The following BNC2 variants were observed in gnomAD, a reference collection of about 807,000 sequenced individuals.
The protein encoded by BNC2 is zinc finger protein basonuclin-2.
In BNC2, 20 loss-of-function variants were observed where a neutral mutation model predicts 76.3. The observed-to-expected ratio is 0.26, with a 90% CI of 0.18 to 0.38. The LOEUF is 0.38. BNC2 is among the 10% of genes least tolerant of loss of function. The pLI, the probability that BNC2 is intolerant of heterozygous loss-of-function variation, is 1.00. For missense variants in BNC2, 1,382 were observed against 1,399.8 expected (o/e 0.99, Z 0.20); for synonymous variants, 582 against 514.8 (o/e 1.13, Z -1.77).
chr9:16,524,987 C>G (rs1481235195), intron 5 of BNC2, among the ~76,000 whole-genome samples: 1 of 149,854 alleles, frequency 6.7e-6, no homozygotes, highest in African/African-American at 2.4e-5. Context: ...GTGGGAGGAT[C>G]ACTTGAGCCT....
At chr9:16,689,788 T>A (rs1175692781) in intron 3 of BNC2, among the ~76,000 whole-genome samples, 1 of 152,110 alleles carries the variant, frequency 6.6e-6, no homozygotes, top group African/African-American at 2.4e-5. Flanking sequence ...TCAGTGGTTA[T>A]ACAATGCCAA....
rs201084701 is a variant in BNC2, at chr9:16,548,405, GT to G, written c.669+4124del. The stretch of plus-strand genomic sequence containing the variant: ...AGAATTCTTCTTCTTCTTCTTCTTC[GT>G]TTTTTTTTTTTTCTTTCGAGATGGA... On this transcript the variant is annotated intron_variant, in intron 5 of 6. Coordinates refer to ENST00000380672, the MANE Select transcript of BNC2 (RefSeq NM_017637.6). 7.2e-3 allele frequency among the ~76,000 whole-genome samples: 1,028 copies of G among 143,756 alleles called. 26 individuals carry two copies. In the East Asian group the frequency reaches 0.09, roughly 13 times the overall value. 94.3% of individuals were successfully genotyped at this position (143,756 alleles called of 152,430 possible).
intron 6 of BNC2, chr9:16,429,321 T>G (rs1368738185): frequency 6.6e-6 from 1 of 152,198 alleles, no homozygotes; most frequent in Non-Finnish European, 1.5e-5. Context: ...AAGTGAATGT[T>G]AACGTACATG....
intron 3 of BNC2, among the ~76,000 whole-genome samples, chr9:16,701,317 G>A (rs1465963313): frequency 1.3e-5 from 2 of 152,168 alleles, no homozygotes; most frequent in African/African-American, 4.8e-5. Flanking sequence ...GAAGAATGCA[G>A]CAAGGGGGAA....
intron 1 of BNC2, among the ~76,000 whole-genome samples, chr9:16,772,974 G>A (rs1563936138): frequency 6.6e-6 from 1 of 152,198 alleles, no homozygotes; most frequent in Non-Finnish European, 1.5e-5. Context: ...CTGTGTGTCA[G>A]AATGTCTCTC....
At chr9:16,819,340 G>T (rs1818258179) in intron 1 of BNC2, among the ~76,000 whole-genome samples, 1 of 152,174 alleles carries the variant, frequency 6.6e-6, no homozygotes, top group African/African-American at 2.4e-5. Flanking sequence ...CCTAATGTCA[G>T]CAAGCATAAA....
chr9:16,614,958 TAAAAAAAAAAAAAA>T (rs60545823), intron 3 of BNC2, among the ~76,000 whole-genome samples: 5 of 62,524 alleles, frequency 8.0e-5, no homozygotes, highest in African/African-American at 2.6e-4. Flanking sequence ...TCTGTCTCTT[TAAAAAAAAAAAAAA>T]AAAAAAAAAA....
chr9:16,787,094 A>G (rs1164433998), intron 1 of BNC2, among the ~76,000 whole-genome samples: 30 of 152,238 alleles, frequency 2.0e-4, no homozygotes, highest in Admixed American at 2.0e-3. Context: ...GCCAAAGTAA[A>G]GAATGGAATT....
chr9:16,438,200 T>C (rs1821058841), intron 5 of BNC2, among the ~76,000 whole-genome samples: 1 of 152,164 alleles, frequency 6.6e-6, no homozygotes, highest in South Asian at 2.1e-4. Flanking sequence ...TAAAAGGTAA[T>C]TGTACTTTTC....
At chr9:16,754,554 T>C (rs7867602) in intron 1 of BNC2, among the ~76,000 whole-genome samples, 130,923 of 152,012 alleles carry the variant, frequency 0.86, 56,761 homozygotes, top group Non-Finnish European at 0.91. Context: ...ATTCAAATAG[T>C]CATTTTTTTT....
intron 1 of BNC2, among the ~76,000 whole-genome samples, chr9:16,857,524 CT>C (rs1352889764): frequency 1.4e-5 from 2 of 143,820 alleles, no homozygotes; most frequent in Non-Finnish European, 3.0e-5. Flanking sequence ...TTTAAATCCT[CT>C]ACAGAATTTT....
At chr9:16,690,028 G>A (rs1823108194) in intron 3 of BNC2, among the ~76,000 whole-genome samples, 2 of 152,198 alleles carry the variant, frequency 1.3e-5, no homozygotes, top group Admixed American at 1.3e-4. Context: ...AGAGTATGCA[G>A]TTAAATTATA....
intron 5 of BNC2, among the ~76,000 whole-genome samples, chr9:16,502,978 C>G (rs529894040): frequency 4.6e-5 from 7 of 152,176 alleles, no homozygotes; most frequent in Admixed American, 1.3e-4. Flanking sequence ...GTAACTCAAT[C>G]AATGAAAGCG....
intron 1 of BNC2, among the ~76,000 whole-genome samples, chr9:16,870,270 A>G (rs1194086200): frequency 6.6e-6 from 1 of 151,840 alleles, no homozygotes; most frequent in Non-Finnish European, 1.5e-5. Flanking sequence ...CGCTCCATTC[A>G]TCCCCCACTC....
At position 16,525,906 on chromosome 9, in the gene BNC2, A is replaced by G. The variant is rs561193803; in HGVS notation, c.669+26624T>C. Among the ~76,000 whole-genome samples, 17 of 152,246 alleles carry G rather than the reference A, an allele frequency of 1.1e-4. No homozygotes were observed. In the South Asian group the frequency reaches 1.9e-3, roughly 17 times the overall value. On this transcript the variant is annotated intron_variant, in intron 5 of 6. Coordinates refer to ENST00000380672, the MANE Select transcript of BNC2 (RefSeq NM_017637.6). ...TAATTTTTTTTTGCTAAAGGCATGT[A>G]TTCCTTTTTAGAATACATTTTAACT...
intron 1 of BNC2, among the ~76,000 whole-genome samples, chr9:16,843,124 A>G (rs1055441991): frequency 6.6e-6 from 1 of 152,224 alleles, no homozygotes; most frequent in African/African-American, 2.4e-5. Context: ...TTAAAAATAG[A>G]TTTGATAGAT....
chr9:16,598,472 C>T (rs779432662), intron 3 of BNC2, among the ~76,000 whole-genome samples: 9 of 152,182 alleles, frequency 5.9e-5, no homozygotes, highest in Non-Finnish European at 1.2e-4. Context: ...TCAGAAATCA[C>T]TGCCTTAGTC....
At chr9:16,861,247 C>T (rs374502127) in intron 1 of BNC2, among the ~76,000 whole-genome samples, 1 of 148,776 alleles carries the variant, frequency 6.7e-6, no homozygotes, top group African/African-American at 2.5e-5. Flanking sequence ...CCAATTACTA[C>T]GGAGGCTGAA....
intron 3 of BNC2, among the ~76,000 whole-genome samples, chr9:16,597,842 AT>A (rs1820135322): frequency 6.6e-6 from 1 of 152,034 alleles, no homozygotes; most frequent in Admixed American, 6.6e-5. Context: ...TTATTTATTT[AT>A]CGTATAAAGA....
Sources: allele counts gnomAD v4.1 joint callset (sites outside exome capture counted in the v4.1 genomes callset), GRCh38; gene constraint gnomAD v4.1.1; transcripts MANE v1.5; gene names NCBI Gene and HGNC (gene_info 2026-07-23, HGNC 2026-07-21).